The following CLTA variants were observed in gnomAD, a reference collection of about 807,000 sequenced individuals.
CLTA encodes the protein clathrin, light polypeptide (Lca).
CLTA carries 9 observed loss-of-function variants against 26.9 expected under a neutral mutation model. The observed-to-expected ratio is 0.33, with a 90% CI of 0.20 to 0.58. CLTA has a LOEUF of 0.58. CLTA is among the 20% of genes least tolerant of loss of function. CLTA has a pLI of 0.85. For missense variants in CLTA, 278 were observed against 294.2 expected, an observed-to-expected ratio of 0.94 and a Z score of 0.40; for synonymous variants, 120 against 115.5, an observed-to-expected ratio of 1.04 and a Z score of -0.25.
intron 4 of CLTA, among the ~76,000 whole-genome samples, 187 bp downstream of exon 4, chr9:36,204,366 C>T (rs1220573307): frequency 6.6e-6 from 1 of 152,166 alleles, no homozygotes; most frequent in African/African-American, 2.4e-5. Context: ...TATTGTTTAG[C>T]CATCCCAATT....
At chr9:36,204,633 G>T (rs1469192928) in intron 4 of CLTA, among the ~76,000 whole-genome samples, 1 of 152,194 alleles carries the variant, frequency 6.6e-6, no homozygotes, top group Non-Finnish European at 1.5e-5. Flanking sequence ...GGCAGCCAAG[G>T]ATGTTCCAAC....
chr9:36,191,551 A>T (rs1189699770), intron 1 of CLTA, among the ~76,000 whole-genome samples: 1 of 152,196 alleles, frequency 6.6e-6, no homozygotes, highest in Non-Finnish European at 1.5e-5. Flanking sequence ...TCAATTCAGC[A>T]ACTTTTCATT....
chr9:36,192,181 C>T (rs936469371), intron 1 of CLTA, among the ~76,000 whole-genome samples: 4 of 152,138 alleles, frequency 2.6e-5, no homozygotes, highest in Non-Finnish European at 4.4e-5. Context: ...AAAATTCCAA[C>T]TAAGGGAGAA....
intron 4 of CLTA, chr9:36,210,763 A>T (rs1168629770): frequency 4.5e-6 from 6 of 1,339,170 alleles, no homozygotes; most frequent in Non-Finnish European, 6.4e-6. Flanking sequence ...CATCCCTGTG[A>T]TAGTGCCACC....
intron 4 of CLTA, among the ~76,000 whole-genome samples, chr9:36,204,674 G>A (rs1827613054): frequency 6.6e-6 from 1 of 152,198 alleles, no homozygotes; most frequent in South Asian, 2.1e-4. Flanking sequence ...GGTTCTGTGG[G>A]TACTTATTTG....
intron 1 of CLTA, among the ~76,000 whole-genome samples, chr9:36,196,318 A>G (rs1319857903): frequency 6.6e-6 from 1 of 150,572 alleles, no homozygotes; most frequent in African/African-American, 2.5e-5. Context: ...TGATCCAGCA[A>G]TTCCTTTTTT....
At chr9:36,199,995 A>G (rs1359619010) in intron 3 of CLTA, among the ~76,000 whole-genome samples, 1 of 152,182 alleles carries the variant, frequency 6.6e-6, no homozygotes, top group Non-Finnish European at 1.5e-5. Context: ...ACCCATCCCC[A>G]TCAGCCACAT....
At chr9:36,209,200 T>C (rs1827897543) in intron 4 of CLTA, 2 of 1,601,530 alleles carry the variant, frequency 1.2e-6, no homozygotes, top group East Asian at 4.5e-5. Context: ...TTTAGATGTT[T>C]CTGCTTCTCA....
chr9:36,191,326 A>C, intron 1 of CLTA, 53 bp downstream of exon 1: 1 of 1,458,744 alleles, frequency 6.9e-7, no homozygotes, highest in Non-Finnish European at 9.0e-7. Context: ...AACTCGGTCC[A>C]CAGTGGGTCC....
chr9:36,191,289 C>T lies in CLTA; in HGVS notation c.217+16C>T. Reference sequence around the variant, plus strand: ...GGGGGTCCGGGTGAGAGTGCGGGCGCGTTTGGGGCGAGAGGACTTGTCTGG... The same window carrying T: ...GGGGGTCCGGGTGAGAGTGCGGGCGTGTTTGGGGCGAGAGGACTTGTCTGG... On this transcript the variant is annotated intron_variant, in intron 1 of 4. Transcript: ENST00000345519. 1.3e-6 allele frequency: 2 copies of T among 1,497,214 alleles called. No homozygotes were observed. Among genetic ancestry groups the T allele is most frequent in the Non-Finnish European group, 8.8e-7 (1 of 1,131,530 alleles). The allele number at this position is 1,497,214 out of a possible 1,614,324, so 92.7% of individuals were successfully genotyped here.
At chr9:36,205,755 G>GTTTTTTTT (rs746587996) in intron 4 of CLTA, among the ~76,000 whole-genome samples, 3 of 93,998 alleles carry the variant, frequency 3.2e-5, no homozygotes, top group East Asian at 2.6e-4. Flanking sequence ...AATGACACCT[G>GTTTTTTTT]TTTTTTTTTT....
chr9:36,198,880 A>G (rs1827227232), intron 2 of CLTA, 99 bp from the exon 3 acceptor site: 2 of 779,650 alleles, frequency 2.6e-6, no homozygotes, highest in Non-Finnish European at 4.1e-6. Flanking sequence ...GTCTCAAAAA[A>G]AAAAAAAAAA....
Position 36,191,216 on chromosome 9 carries a change from A to C in CLTA, c.160A>C (p.Ile54Leu), listed in dbSNP as rs1404410225. 5 of 1,556,644 alleles carry C rather than the reference A, an allele frequency of 3.2e-6. No homozygotes were observed. The highest frequency in any genetic ancestry group is 4.3e-6 in the Non-Finnish European group (5 of 1,155,122). ...AGIENDEAFA[I>L]LDGGAPGPQP... Reference sequence around the variant, plus strand: ...CATCGAGAACGACGAGGCCTTCGCCATCCTGGACGGCGGCGCCCCCGGGCC... The same window carrying C: ...CATCGAGAACGACGAGGCCTTCGCCCTCCTGGACGGCGGCGCCCCCGGGCC... Residue 54 changes from isoleucine (I) to leucine (L), a missense_variant, in exon 1 of 5, where the codon ATC (isoleucine) becomes CTC (leucine). By Grantham distance (5) the Ile-to-Leu change is conservative (BLOSUM62 2). Transcript: ENST00000345519.
intron 1 of CLTA, among the ~76,000 whole-genome samples, chr9:36,195,405 G>C (rs1461298655): frequency 1.3e-5 from 2 of 152,020 alleles, no homozygotes; most frequent in East Asian, 3.9e-4. Flanking sequence ...AAAATAGCAG[G>C]AAAATAGGCA....
intron 4 of CLTA, chr9:36,210,795 C>T: frequency 2.1e-6 from 2 of 968,746 alleles, no homozygotes; most frequent in Non-Finnish European, 1.6e-6. Flanking sequence ...ACAGACCAGT[C>T]ATCTCCATTG....
At chr9:36,199,133 A>G in intron 3 of CLTA, 37 bp downstream of exon 3, 1 of 1,310,832 alleles carries the variant, frequency 7.6e-7, no homozygotes, top group Non-Finnish European at 1.1e-6. Flanking sequence ...GTCTGTTTTC[A>G]GTGGAGTAGT....
At chr9:36,204,327 C>G (rs2132920119) in intron 4 of CLTA, 148 bp downstream of exon 4, 1 of 817,556 alleles carries the variant, frequency 1.2e-6, no homozygotes, top group Middle Eastern at 2.3e-4. Context: ...GGTTGCAAGT[C>G]TCTCGGGTCT....
In CLTA at chr9:36,198,059, C is replaced by T. The variant is rs534800041; in HGVS notation, c.255+471C>T. ...TCGCCCAGGCTAGAGTGCAGTGGCA[C>T]GATCTTGTCTCATTGCAACCTCCAC... On this transcript the variant is annotated intron_variant, in intron 2 of 4. Transcript: ENST00000345519. Among the ~76,000 whole-genome samples the T allele has an allele frequency of 3.7e-4, 53 of 144,750 alleles. 1 individual carries two copies. The highest frequency in any genetic ancestry group is 3.6e-3 in the East Asian group (18 of 4,964). The allele number at this position is 144,750 out of a possible 152,430, so 95.0% of individuals were successfully genotyped here. A position where few individuals can be genotyped will look rare whatever the true frequency, so the allele number is the denominator to read the frequency against.
intron 4 of CLTA, chr9:36,209,126 A>G (rs1458256853): frequency 1.0e-6 from 1 of 992,428 alleles, no homozygotes; most frequent in Non-Finnish European, 1.5e-6. Context: ...TGGAAGCCTC[A>G]CGGGGGTTAG....
Sources: allele counts gnomAD v4.1 joint callset (sites outside exome capture counted in the v4.1 genomes callset), GRCh38; gene constraint gnomAD v4.1.1; transcripts MANE v1.5; gene names NCBI Gene and HGNC (gene_info 2026-07-23, HGNC 2026-07-21).